USP32: variants seen among roughly 807,000 people sequenced by gnomAD.
The protein encoded by USP32 is ubiquitin carboxyl-terminal hydrolase 32.
A neutral mutation model predicts 204.8 loss-of-function variants in USP32; 59 were observed. The observed-to-expected ratio is 0.29, with a 90% CI of 0.23 to 0.36. The LOEUF is 0.36. Ranked by LOEUF, USP32 falls within the 10% of genes least tolerant of loss-of-function variation. The pLI is 1.00. For synonymous variants in USP32, 517 were observed against 678.4 expected, an observed-to-expected ratio of 0.76 and a Z score of 3.70; for missense variants, 1,160 against 1,946.4, an observed-to-expected ratio of 0.60 and a Z score of 7.60.
chr17:60,253,841 T>C (rs1179118509), intron 10 of USP32, among the ~76,000 whole-genome samples: 1 of 152,200 alleles, frequency 6.6e-6, no homozygotes, highest in African/African-American at 2.4e-5. Context: ...GTTGTGTTTA[T>C]AGTGGTGATC....
rs1427507332 is a variant in USP32 at position 60,185,565 on chromosome 17, G to A, written c.3729C>T (p.Thr1243=). Residue 1243 remains threonine, a synonymous_variant, in exon 30 of 34, where the codon ACC becomes ACT. Coordinates refer to ENST00000300896, the MANE Select transcript of USP32 (RefSeq NM_032582.4). ...CATTTTCCCCTAGCTCTTCCTCACT[G>A]GTGAAAGCACGGAGACAGCTGTCCA... ...INLDSCLRAF[T]SEEELGENEM... 2 of 1,611,866 alleles carry A rather than the reference G, an allele frequency of 1.2e-6. No homozygotes were observed. Among genetic ancestry groups the A allele is most frequent in the African/African-American group, 1.3e-5 (1 of 74,852 alleles).
intron 11 of USP32, among the ~76,000 whole-genome samples, chr17:60,238,791 G>T (rs550779574): frequency 1.4e-5 from 2 of 146,788 alleles, no homozygotes; most frequent in African/African-American, 5.1e-5. Context: ...GCAACAGAGC[G>T]AGACTCCATC....
At chr17:60,282,136 C>A (rs538380031) in intron 5 of USP32, among the ~76,000 whole-genome samples, 1 of 152,144 alleles carries the variant, frequency 6.6e-6, no homozygotes, top group African/African-American at 2.4e-5. Context: ...ATGACTACCA[C>A]GGAAATCAAT....
upstream of USP32, among the ~76,000 whole-genome samples, chr17:60,396,579 T>C (rs1319602934): frequency 6.6e-6 from 1 of 152,142 alleles, no homozygotes; most frequent in African/African-American, 2.4e-5. Context: ...GAACTGTAAT[T>C]CCAGTGCTTT....
chr17:60,225,394 C>T (rs559512373), intron 13 of USP32, among the ~76,000 whole-genome samples: 1 of 152,108 alleles, frequency 6.6e-6, no homozygotes, highest in East Asian at 1.9e-4. Flanking sequence ...GAGGCAGAGG[C>T]TGCAGTAAGC....
chr17:60,232,493 T>A (rs1420219025), intron 12 of USP32, among the ~76,000 whole-genome samples: 1 of 150,824 alleles, frequency 6.6e-6, no homozygotes, highest in Non-Finnish European at 1.5e-5. Flanking sequence ...TTTTTTTTTT[T>A]TTTAAACAAG....
At chr17:60,296,390 G>GA (rs2087430121) in intron 3 of USP32, among the ~76,000 whole-genome samples, 1 of 152,098 alleles carries the variant, frequency 6.6e-6, no homozygotes, top group African/African-American at 2.4e-5. Context: ...AGCACAAACA[G>GA]AAAAATAAAG....
chr17:60,312,694 A>G (rs2087883879), intron 2 of USP32, among the ~76,000 whole-genome samples: 2 of 152,268 alleles, frequency 1.3e-5, no homozygotes, highest in African/African-American at 4.8e-5. Context: ...TAAAAAGGAA[A>G]GTATACATAA....
intron 1 of USP32, among the ~76,000 whole-genome samples, chr17:60,367,459 G>A (rs535267425): frequency 5.3e-5 from 8 of 152,122 alleles, no homozygotes; most frequent in East Asian, 3.8e-4. Context: ...CAGTGAGTCC[G>A]AATCATGCCA....
intron 6 of USP32, 66 bp from the exon 7 acceptor site, chr17:60,269,623 A>C (rs2145782805): frequency 7.5e-6 from 10 of 1,338,432 alleles, no homozygotes; most frequent in Non-Finnish European, 1.0e-5. Flanking sequence ...TGACATGTTT[A>C]CAAAAGGAGG....
rs1251881125 is a variant in USP32 at position 60,178,992 on chromosome 17, G to C, written c.*263C>G. 2.7e-6 allele frequency: 1 copy of C among 369,378 alleles called. No homozygotes were observed. The highest frequency in any genetic ancestry group is 4.9e-6 in the Non-Finnish European group (1 of 203,878). 22.9% of individuals were successfully genotyped at this position (369,378 alleles called of 1,614,324 possible). Reference sequence around the variant, plus strand: ...TTGAATTCTTATTTGGTCCCAGGTGGCTGGTGCCAAACCTTTTGTTTACAG... The same window carrying C: ...TTGAATTCTTATTTGGTCCCAGGTGCCTGGTGCCAAACCTTTTGTTTACAG... On this transcript the variant is annotated 3_prime_UTR_variant, in exon 34 of 34. Transcript: ENST00000300896.
chr17:60,224,799 A>G (rs959492053), intron 13 of USP32, among the ~76,000 whole-genome samples: 14 of 152,124 alleles, frequency 9.2e-5, no homozygotes, highest in Non-Finnish European at 2.1e-4. Context: ...TAAATAAATA[A>G]ATAACAATAG....
intron 12 of USP32, among the ~76,000 whole-genome samples, chr17:60,235,585 T>C (rs952584335): frequency 2.0e-5 from 3 of 152,246 alleles, no homozygotes; most frequent in African/African-American, 4.8e-5. Context: ...TATATATCAG[T>C]TGGCTCTCCA....
intron 18 of USP32, 103 bp from the exon 19 acceptor site, chr17:60,212,201 T>A: frequency 9.9e-7 from 1 of 1,013,748 alleles, no homozygotes; most frequent in South Asian, 1.5e-5. Flanking sequence ...ATCAGAAGTT[T>A]TAAAATCTAG....
chr17:60,328,139 G>A (rs747825492), intron 2 of USP32, among the ~76,000 whole-genome samples: 11 of 152,378 alleles, frequency 7.2e-5, no homozygotes, highest in Admixed American at 2.6e-4. Flanking sequence ...CTGTGGACTG[G>A]AGTGGGAACT....
chr17:60,293,939 G>A (rs1193483422), intron 4 of USP32, among the ~76,000 whole-genome samples: 1 of 152,120 alleles, frequency 6.6e-6, no homozygotes, highest in East Asian at 1.9e-4. Context: ...CATACTAGCA[G>A]ACCTCTGAAA....
At chr17:60,218,631 T>C (rs2085165742) in intron 16 of USP32, among the ~76,000 whole-genome samples, 1 of 151,802 alleles carries the variant, frequency 6.6e-6, no homozygotes, top group African/African-American at 2.4e-5. Flanking sequence ...TGAGACAGAG[T>C]CTCACTCCGT....
intron 2 of USP32, among the ~76,000 whole-genome samples, chr17:60,317,594 C>A (rs1033784728): frequency 6.6e-6 from 1 of 151,624 alleles, no homozygotes; most frequent in East Asian, 1.9e-4. Context: ...GCAGGAAGAT[C>A]GCTTAATGCC....
intron 1 of USP32, among the ~76,000 whole-genome samples, chr17:60,401,195 C>T (rs1376291420): frequency 1.3e-5 from 2 of 151,334 alleles, no homozygotes; most frequent in East Asian, 1.9e-4. Context: ...ATGGCTCACA[C>T]CTGTAATCCC....
Sources: allele counts gnomAD v4.1 joint callset (sites outside exome capture counted in the v4.1 genomes callset), GRCh38; gene constraint gnomAD v4.1.1; transcripts MANE v1.5; gene names NCBI Gene and HGNC (gene_info 2026-07-23, HGNC 2026-07-21).